Variants in PTPRU observed in about 807,000 individuals in gnomAD.
The protein encoded by PTPRU is receptor-type tyrosine-protein phosphatase U.
Under a neutral mutation model 166.3 loss-of-function variants are expected in PTPRU, and 69 were observed. The ratio of observed to expected loss-of-function variants is 0.41; its 90% CI spans 0.34 to 0.51. The LOEUF (loss-of-function observed/expected upper bound fraction) is 0.51. Ranked by LOEUF, PTPRU falls within the 20% of genes least tolerant of loss-of-function variation. The pLI, the probability that PTPRU is intolerant of heterozygous loss-of-function variation, is 0.09. For missense variants in PTPRU, 1,657 were observed against 2,013.7 expected (o/e 0.82, Z 3.39); for synonymous variants, 793 against 814.0 (o/e 0.97, Z 0.44).
At chr1:29,299,433 C>CTA (rs1557464304) in intron 15 of PTPRU, among the ~76,000 whole-genome samples, 6 of 152,298 alleles carry the variant, frequency 3.9e-5, no homozygotes, top group South Asian at 2.1e-4. Flanking sequence ...GAGTAGGGAC[C>CTA]TGTCCTCTCT....
intron 16 of PTPRU, 117 bp downstream of exon 16, chr1:29,304,162 C>T (rs1237670429): frequency 8.3e-7 from 1 of 1,200,096 alleles, no homozygotes; most frequent in African/African-American, 1.5e-5. Context: ...CCTGCTCTGA[C>T]AGTTTCCAAC....
At chr1:29,303,621 C>T (rs557278693) in intron 15 of PTPRU, among the ~76,000 whole-genome samples, 10 of 152,288 alleles carry the variant, frequency 6.6e-5, no homozygotes, top group East Asian at 3.9e-4. Context: ...CAAGGGCCCT[C>T]GGAGGCCACC....
At chr1:29,253,793 A>G (rs564596719) in intron 1 of PTPRU, among the ~76,000 whole-genome samples, 7 of 152,006 alleles carry the variant, frequency 4.6e-5, no homozygotes, top group African/African-American at 1.7e-4. Context: ...ACCCACATGG[A>G]TTCAAATCCC....
At chr1:29,239,202 G>A (rs1055957442) in intron 1 of PTPRU, among the ~76,000 whole-genome samples, 4 of 152,184 alleles carry the variant, frequency 2.6e-5, no homozygotes, top group African/African-American at 9.6e-5. Context: ...TAGAATAGAT[G>A]TGATACCCCT....
rs1183029129 is a variant in PTPRU, at chr1:29,320,110, C to A, written c.3688-575C>A. On this transcript the variant is annotated intron_variant, in intron 25 of 29. Coordinates refer to ENST00000373779, the MANE Select transcript of PTPRU (RefSeq NM_133178.4). The surrounding 1 kb of genome is among the most constrained non-coding windows in gnomAD (Gnocchi z 5.2). ...ACCCTAGAAGCTCTGCTCTCCTGAA[C>A]CTTGCTTTTAGCAGGTGGAGTGGGA... The A allele has an allele frequency of 6.6e-6, 1 of 152,228 alleles. No individual in the cohort carries two copies. The highest frequency in any genetic ancestry group is 1.5e-5 in the Non-Finnish European group (1 of 68,088). 9.4% of individuals were successfully genotyped at this position (152,228 alleles called of 1,614,324 possible).
rs114718031 is a variant in PTPRU, at chr1:29,253,265, C to T, written c.74-2010C>T. 8.5e-3 allele frequency among the ~76,000 whole-genome samples: 1,296 copies of T among 152,274 alleles called. 19 individuals are homozygous for T. The highest frequency in any genetic ancestry group is 0.03 in the African/African-American group (1,234 of 41,544). ...CGAACCCTGTCCTTTTGGGTATTTA[C>T]GGAGGTTTCCTTACATAAGCATGAT... is the stretch of plus-strand genomic sequence containing the variant. On this transcript the variant is annotated intron_variant, in intron 1 of 29. Coordinates refer to ENST00000373779, the MANE Select transcript of PTPRU (RefSeq NM_133178.4).
chr1:29,260,744 G>A lies in PTPRU; in HGVS notation c.985G>A (p.Gly329Arg), dbSNP rs150643953. 44 of 1,610,808 alleles carry A rather than the reference G, an allele frequency of 2.7e-5. No homozygotes were observed. Among genetic ancestry groups the A allele is most frequent in the Non-Finnish European group, 2.5e-5 (30 of 1,178,672 alleles). ...GGAGATTGAGTACCGCATGGCGCGC[G>A]GGCCCTGGGCTGAGGTGCACGCCGT... is the stretch of plus-strand genomic sequence containing the variant. ...RKEIEYRMARGPWAEVHAVSL... is the reference protein window; with the variant it reads ...RKEIEYRMARRPWAEVHAVSL... The change falls in exon 7 of 30, where the codon GGG becomes AGG. Residue 329 changes from glycine (G) to arginine (R), a missense_variant. Physicochemically the swap from Gly to Arg is moderately radical, Grantham distance 125. Coordinates refer to ENST00000373779, the MANE Select transcript of PTPRU (RefSeq NM_133178.4). This position sits in a 1 kb window ranked among gnomAD's most constrained non-coding sequence, Gnocchi z 8.3.
Position 29,312,549 on chromosome 1 carries a change from C to G in PTPRU, c.3073-3C>G. ...CTGATTATTATTCCCATTGTCTCCCCAGAGAGGCTACTCTGCCCGGCACGA... is the reference window on the plus strand; with the variant it reads ...CTGATTATTATTCCCATTGTCTCCCGAGAGAGGCTACTCTGCCCGGCACGA... On this transcript the variant is annotated splice_region_variant and splice_polypyrimidine_tract_variant and intron_variant, in intron 21 of 29. Coordinates refer to ENST00000373779, the MANE Select transcript of PTPRU (RefSeq NM_133178.4). 4 of 1,582,046 alleles carry G rather than the reference C, an allele frequency of 2.5e-6. No homozygotes were observed. Among genetic ancestry groups the G allele is most frequent in the Non-Finnish European group, 3.5e-6 (4 of 1,154,988 alleles).
intron 11 of PTPRU, among the ~76,000 whole-genome samples, chr1:29,282,054 A>T (rs1297682305): frequency 6.6e-6 from 1 of 152,242 alleles, no homozygotes; most frequent in Non-Finnish European, 1.5e-5. Context: ...CGATTTGCTG[A>T]TCAGAGGCTG....
chr1:29,318,249 G>A (rs1212905818), intron 25 of PTPRU, among the ~76,000 whole-genome samples: 1 of 152,190 alleles, frequency 6.6e-6, no homozygotes, highest in African/African-American at 2.4e-5. Flanking sequence ...GATGGAACTC[G>A]AGACCTGATG....
intron 15 of PTPRU, among the ~76,000 whole-genome samples, chr1:29,293,170 G>A (rs1377984217): frequency 7.9e-5 from 12 of 152,168 alleles, no homozygotes; most frequent in Non-Finnish European, 1.8e-4. Context: ...AGTAGATGGG[G>A]TTTCACCATG....
chr1:29,240,523 G>A (rs1000101692), intron 1 of PTPRU, among the ~76,000 whole-genome samples: 2 of 152,142 alleles, frequency 1.3e-5, no homozygotes, highest in African/African-American at 4.8e-5. Flanking sequence ...CCAGGAATCT[G>A]GAAAATTCCT....
chr1:29,264,508 C>CT (rs1197340600), intron 7 of PTPRU, among the ~76,000 whole-genome samples: 5,469 of 140,884 alleles, frequency 0.039, 329 homozygotes, highest in African/African-American at 0.13. Flanking sequence ...CAACCTCATT[C>CT]TTTTTTTTTT....
Position 29,280,218 on chromosome 1 carries a change from C to A in PTPRU, c.1868+77C>A. On this transcript the variant is annotated intron_variant, in intron 11 of 29. Coordinates refer to ENST00000373779, the MANE Select transcript of PTPRU (RefSeq NM_133178.4). The surrounding 1 kb of genome is among the most constrained non-coding windows in gnomAD (Gnocchi z 4.2). ...CCCTCCTCTGACCCAGAGCCCCATC[C>A]CAGGCCAGCTCACCCTTTTCCTCCC... 7.2e-7 allele frequency: 1 copy of A among 1,390,434 alleles called. No homozygotes were observed. The highest frequency in any genetic ancestry group is 1.4e-5 in the African/African-American group (1 of 70,054). 86.1% of individuals were successfully genotyped at this position (1,390,434 alleles called of 1,614,324 possible).
chr1:29,240,452 G>A (rs1411144708), intron 1 of PTPRU, among the ~76,000 whole-genome samples: 2 of 152,148 alleles, frequency 1.3e-5, no homozygotes, highest in Non-Finnish European at 2.9e-5. Context: ...CAGAGGTGGA[G>A]ATGCCAGATG....
At chr1:29,277,417 C>G (rs1685854483) in intron 8 of PTPRU, among the ~76,000 whole-genome samples, 1 of 152,152 alleles carries the variant, frequency 6.6e-6, no homozygotes. Context: ...TGGGACTTTT[C>G]TAATTGTCTT....
Position 29,280,278 on chromosome 1 carries a change from G to A in PTPRU, c.1868+137G>A. 1 of 851,988 alleles carries A rather than the reference G, an allele frequency of 1.2e-6. No homozygotes were observed. Among genetic ancestry groups the A allele is most frequent in the Non-Finnish European group, 1.8e-6 (1 of 558,814 alleles). The allele number at this position is 851,988 out of a possible 1,614,324, so 52.8% of individuals were successfully genotyped here. On this transcript the variant is annotated intron_variant, in intron 11 of 29. Transcript: ENST00000373779. The surrounding 1 kb of genome is among the most constrained non-coding windows in gnomAD (Gnocchi z 4.2). The stretch of plus-strand genomic sequence containing the variant: ...CACGCAGGGCTTGGAGTGTCTGGAG[G>A]AGATTGTTCTGTGATGCTTGGCAGG...
chr1:29,316,124 T>C lies in PTPRU; in HGVS notation c.3486T>C (p.Asn1162=). The change falls in exon 24 of 30, where the codon AAT becomes AAC. Residue 1162 remains asparagine (N), a synonymous_variant. Transcript: ENST00000373779. ...TGATCCGCATTGATCCTCAGAGTAA[T>C]TCCTCCCAGCTGCGGGAAGAGTTCC... The part of the protein sequence containing the change: ...KEMIRIDPQS[N]SSQLREEFQT... 1 of 1,614,140 alleles carries C rather than the reference T, an allele frequency of 6.2e-7. No individual in the cohort carries two copies. Among genetic ancestry groups the C allele is most frequent in the Admixed American group, 1.7e-5 (1 of 60,026 alleles).
chr1:29,292,737 G>A (rs1686696941), intron 15 of PTPRU, among the ~76,000 whole-genome samples: 1 of 151,542 alleles, frequency 6.6e-6, no homozygotes, highest in African/African-American at 2.4e-5. Flanking sequence ...TGGTGAATTA[G>A]AACATTATCT....
Sources: allele counts gnomAD v4.1 joint callset (sites outside exome capture counted in the v4.1 genomes callset), GRCh38; gene constraint gnomAD v4.1.1; non-coding constraint Gnocchi (gnomAD v3.1); transcripts MANE v1.5; gene names NCBI Gene and HGNC (gene_info 2026-07-23, HGNC 2026-07-21).